Variants in RTN4IP1 observed in about 807,000 individuals in gnomAD.
RTN4IP1 encodes NAD(P)H oxidoreductase RTN4IP1, mitochondrial.
RTN4IP1 carries 32 observed loss-of-function variants against 46.6 expected under a neutral mutation model. The observed-to-expected ratio is 0.69, with a 90% confidence interval of 0.52 to 0.92. The LOEUF (loss-of-function observed/expected upper bound fraction) is 0.92, where lower values mean the gene tolerates loss of function less well. Ranked by LOEUF, RTN4IP1 falls within the 40% of genes least tolerant of loss-of-function variation. The pLI is 0.00. For missense variants in RTN4IP1, 424 were observed against 485.8 expected (o/e 0.87, Z 1.20); for synonymous variants, 167 against 161.8 (o/e 1.03, Z -0.24).
chr6:106,617,348 G>T (rs568452050), intron 4 of RTN4IP1, among the ~76,000 whole-genome samples: 10 of 152,154 alleles, frequency 6.6e-5, no homozygotes, highest in Non-Finnish European at 1.3e-4. Context: ...TTTGCAATGG[G>T]TTTCACTCTA....
At chr6:106,604,011 C>G (rs1368551843) in intron 4 of RTN4IP1, among the ~76,000 whole-genome samples, 1 of 152,178 alleles carries the variant, frequency 6.6e-6, no homozygotes, top group African/African-American at 2.4e-5. Flanking sequence ...TAAGTGGTGG[C>G]AGTATCTGTC....
intron 1 of RTN4IP1, 37 bp downstream of exon 1, chr6:106,628,711 T>C: frequency 6.4e-7 from 1 of 1,565,956 alleles, no homozygotes; most frequent in Non-Finnish European, 8.7e-7. Context: ...GAAAGTGATT[T>C]TTTTAAAAAA....
chr6:106,619,266 G>C lies in RTN4IP1; in HGVS notation c.556C>G (p.Leu186Val), dbSNP rs769569566. 4 of 1,614,094 alleles carry C rather than the reference G, an allele frequency of 2.5e-6. No homozygotes were observed. The highest frequency in any genetic ancestry group is 1.3e-5 in the African/African-American group (1 of 74,940). The change falls in exon 4 of 9, where the codon CTC (leucine) becomes GTC (valine). Residue 186 changes from leucine to valine, a missense_variant. Transcript: ENST00000369063. ...TQAASLPYVA[L>V]TAWSAINKVG... The stretch of plus-strand genomic sequence containing the variant: ...TTGTTTATAGCAGACCAGGCTGTGA[G>C]AGCCACATATGGCAAAGAGGCAGCT...
At chr6:106,617,318 G>A (rs1776380153) in intron 4 of RTN4IP1, among the ~76,000 whole-genome samples, 1 of 152,216 alleles carries the variant, frequency 6.6e-6, no homozygotes, top group Admixed American at 6.5e-5. Context: ...AGAAGTCCAT[G>A]ATGTGAATTG....
At chr6:106,603,284 T>A (rs184910735) in intron 4 of RTN4IP1, among the ~76,000 whole-genome samples, 1 of 152,342 alleles carries the variant, frequency 6.6e-6, no homozygotes, top group East Asian at 1.9e-4. Context: ...CCCTTTTTAA[T>A]TTGTTATGCT....
At chr6:106,584,221 G>A (rs1262608891) in intron 7 of RTN4IP1, among the ~76,000 whole-genome samples, 1 of 152,220 alleles carries the variant, frequency 6.6e-6, no homozygotes, top group Non-Finnish European at 1.5e-5. Context: ...TTACAGGCGT[G>A]AGCCACTGTG....
At chr6:106,595,097 C>G (rs563736114) in intron 5 of RTN4IP1, among the ~76,000 whole-genome samples, 2 of 152,164 alleles carry the variant, frequency 1.3e-5, no homozygotes, top group African/African-American at 4.8e-5. Context: ...CCACTGTGCC[C>G]GGCCTTAAGT....
intron 5 of RTN4IP1, among the ~76,000 whole-genome samples, chr6:106,594,679 T>C (rs1775740816): frequency 6.6e-6 from 1 of 152,344 alleles, no homozygotes; most frequent in Middle Eastern, 3.4e-3. Flanking sequence ...ATTTTTATAG[T>C]AATCACCTCC....
intron 1 of RTN4IP1, among the ~76,000 whole-genome samples, chr6:106,625,204 C>G (rs1776605525): frequency 6.6e-6 from 1 of 151,516 alleles, no homozygotes; most frequent in African/African-American, 2.4e-5. Flanking sequence ...CCCTGCCTAC[C>G]TCTCCAGTGT....
upstream of RTN4IP1, among the ~76,000 whole-genome samples, chr6:106,630,209 G>C (rs1369698542): frequency 6.6e-6 from 1 of 152,154 alleles, no homozygotes; most frequent in Non-Finnish European, 1.5e-5. Flanking sequence ...CCTGGACGTC[G>C]TGTTTGAATT....
chr6:106,576,575 T>C (rs112410573), intron 8 of RTN4IP1, among the ~76,000 whole-genome samples: 61 of 152,346 alleles, frequency 4.0e-4, no homozygotes, highest in African/African-American at 1.4e-3. Flanking sequence ...AGGTTTAGAA[T>C]GTACTTCGTT....
chr6:106,603,531 G>C (rs1006364663), intron 4 of RTN4IP1, among the ~76,000 whole-genome samples: 2 of 151,946 alleles, frequency 1.3e-5, no homozygotes, highest in African/African-American at 4.8e-5. Context: ...GCTGAGCCTG[G>C]ATCAGTCAGG....
intron 8 of RTN4IP1, among the ~76,000 whole-genome samples, chr6:106,576,017 G>T (rs763579674): frequency 2.4e-4 from 37 of 152,188 alleles, no homozygotes; most frequent in Non-Finnish European, 4.1e-4. Flanking sequence ...CCTGTGGACA[G>T]GCACCAGGAC....
intron 4 of RTN4IP1, among the ~76,000 whole-genome samples, chr6:106,609,111 T>A (rs1776158569): frequency 6.6e-6 from 1 of 152,248 alleles, no homozygotes; most frequent in African/African-American, 2.4e-5. Flanking sequence ...TACAATACCC[T>A]TAACATAGCC....
At chr6:106,579,151 G>T (rs1011306467) in intron 8 of RTN4IP1, among the ~76,000 whole-genome samples, 2 of 151,570 alleles carry the variant, frequency 1.3e-5, no homozygotes. Flanking sequence ...CAGAAGAATC[G>T]CTTGAACCCA....
intron 4 of RTN4IP1, among the ~76,000 whole-genome samples, chr6:106,605,773 C>T (rs7740303): frequency 0.019 from 2,690 of 138,352 alleles, 73 homozygotes; most frequent in African/African-American, 0.07. Context: ...GCTGAGATCG[C>T]GCCACTGCAC....
chr6:106,603,397 A>C (rs1239659172), intron 4 of RTN4IP1, among the ~76,000 whole-genome samples: 5 of 152,224 alleles, frequency 3.3e-5, no homozygotes, highest in Non-Finnish European at 7.3e-5. Flanking sequence ...TTCATAAATG[A>C]AAATCAATTC....
chr6:106,583,748 G>C (rs766391153), intron 7 of RTN4IP1: 1 of 274,964 alleles, frequency 3.6e-6, no homozygotes, highest in Admixed American at 4.7e-5. Flanking sequence ...TCCCCATGAG[G>C]AATCGGGCTG....
At chr6:106,579,727 C>T (rs764338830) in intron 8 of RTN4IP1, among the ~76,000 whole-genome samples, 2 of 151,592 alleles carry the variant, frequency 1.3e-5, no homozygotes, top group Non-Finnish European at 2.9e-5. Context: ...CTGGGGCATG[C>T]AGGGCTAACA....
Sources: gnomAD v4.1 joint callset for allele counts (sites outside exome capture counted in the v4.1 genomes callset) on GRCh38, gnomAD v4.1.1 for gene constraint, MANE v1.5 for transcripts, NCBI Gene and HGNC (gene_info 2026-07-23, HGNC 2026-07-21) for gene names.